The following SDK1 variants were observed in gnomAD, a reference collection of about 807,000 sequenced individuals.
SDK1 encodes protein sidekick-1.
In SDK1, 157 loss-of-function variants were observed where a neutral mutation model predicts 245.5. That is an observed-to-expected ratio of 0.64 (90% CI 0.56 to 0.73). The LOEUF is 0.73. SDK1 is among the 30% of genes least tolerant of loss of function. The pLI is 0.00. For missense variants in SDK1, 3,583 were observed against 3,002.3 expected, an observed-to-expected ratio of 1.19 and a Z score of -4.52; for synonymous variants, 1,647 against 1,278.5, an observed-to-expected ratio of 1.29 and a Z score of -6.15.
chr7:3,404,533 C>G (rs527542945), intron 1 of SDK1, among the ~76,000 whole-genome samples: 30 of 152,284 alleles, frequency 2.0e-4, no homozygotes, highest in African/African-American at 7.2e-4. Flanking sequence ...TGCCCTTAGG[C>G]TTGACATTAT....
At chr7:3,403,467 A>T (rs1562465738) in intron 1 of SDK1, among the ~76,000 whole-genome samples, 1 of 151,974 alleles carries the variant, frequency 6.6e-6, no homozygotes, top group Non-Finnish European at 1.5e-5. Flanking sequence ...TGTGATGCTG[A>T]CTCATAAATA....
intron 19 of SDK1, among the ~76,000 whole-genome samples, chr7:4,055,532 TTTG>T (rs367994049): frequency 3.5e-4 from 47 of 134,038 alleles, no homozygotes; most frequent in East Asian, 7.8e-4. Flanking sequence ...TTGGTTTGTT[TTTG>T]TTGTTGTTGT....
At chr7:3,804,845 C>T (rs1484145315) in intron 4 of SDK1, among the ~76,000 whole-genome samples, 1 of 152,038 alleles carries the variant, frequency 6.6e-6, no homozygotes, top group Admixed American at 6.5e-5. Context: ...TTGGCTTTCA[C>T]GTGTTCATTG....
chr7:3,320,189 C>G (rs1037749923), intron 1 of SDK1, among the ~76,000 whole-genome samples: 1 of 152,104 alleles, frequency 6.6e-6, no homozygotes, highest in Non-Finnish European at 1.5e-5. Context: ...TCCCACCGCA[C>G]ACATGCGCTG....
chr7:3,946,842 G>A (rs993688621), intron 5 of SDK1, among the ~76,000 whole-genome samples: 4 of 152,180 alleles, frequency 2.6e-5, no homozygotes, highest in Non-Finnish European at 5.9e-5. Flanking sequence ...TGGGTAGATT[G>A]CCTTCATGTG....
intron 1 of SDK1, among the ~76,000 whole-genome samples, chr7:3,532,932 G>T (rs1783398212): frequency 6.6e-6 from 1 of 152,008 alleles, no homozygotes. Flanking sequence ...ACCATGCATC[G>T]GCACTCAGAA....
intron 1 of SDK1, among the ~76,000 whole-genome samples, chr7:3,391,617 C>T (rs558338627): frequency 1.3e-5 from 2 of 149,420 alleles, no homozygotes; most frequent in Admixed American, 6.7e-5. Flanking sequence ...AAAGTATATA[C>T]ATGTATCCTG....
chr7:4,021,368 G>C (rs1259223019), intron 17 of SDK1, among the ~76,000 whole-genome samples: 1 of 152,154 alleles, frequency 6.6e-6, no homozygotes, highest in Non-Finnish European at 1.5e-5. Context: ...CCACGTGGCG[G>C]GGACACCTCA....
intron 1 of SDK1, among the ~76,000 whole-genome samples, chr7:3,608,354 A>C (rs75817371): frequency 0.031 from 4,760 of 152,264 alleles, 225 homozygotes; most frequent in African/African-American, 0.1. Flanking sequence ...GCTTTTTTGC[A>C]TGGCACCCCA....
chr7:3,932,577 T>C (rs572494108), intron 5 of SDK1, among the ~76,000 whole-genome samples: 3 of 152,330 alleles, frequency 2.0e-5, no homozygotes, highest in Non-Finnish European at 4.4e-5. Flanking sequence ...TTTTCTTCTC[T>C]GAAGACTTCC....
intron 43 of SDK1, among the ~76,000 whole-genome samples, chr7:4,242,461 G>C (rs573584222): frequency 2.0e-5 from 3 of 152,228 alleles, no homozygotes; most frequent in African/African-American, 4.8e-5. Flanking sequence ...CAGGAAGCAG[G>C]GTTTCCCAAA....
chr7:4,010,864 C>T (rs1228176712), intron 14 of SDK1, 102 bp from the exon 15 acceptor site: 3 of 1,231,700 alleles, frequency 2.4e-6, no homozygotes, highest in East Asian at 2.4e-5. Flanking sequence ...AGCTGTCCTG[C>T]TAAGCAAATG....
intron 1 of SDK1, among the ~76,000 whole-genome samples, chr7:3,391,966 A>AATATATATATATATATATAT (rs55768106): frequency 8.7e-4 from 125 of 143,990 alleles, no homozygotes; most frequent in African/African-American, 3.2e-3. Flanking sequence ...TATATCATGT[A>AATATATATATATATATATAT]ATATATATAT....
At chr7:3,604,453 G>A (rs1781353290) in intron 1 of SDK1, among the ~76,000 whole-genome samples, 1 of 151,914 alleles carries the variant, frequency 6.6e-6, no homozygotes, top group Non-Finnish European at 1.5e-5. Flanking sequence ...TCTAATGTAA[G>A]CATTTTAGTG....
chr7:3,667,361 A>G (rs905205002), intron 4 of SDK1, among the ~76,000 whole-genome samples: 9 of 152,314 alleles, frequency 5.9e-5, no homozygotes, highest in Admixed American at 3.9e-4. Flanking sequence ...CATTTTGGCA[A>G]TAAGTCAATG....
At chr7:3,645,718 G>A (rs747103777) in intron 4 of SDK1, among the ~76,000 whole-genome samples, 9 of 152,122 alleles carry the variant, frequency 5.9e-5, no homozygotes, top group Middle Eastern at 6.8e-3. Context: ...TGCATTCCTC[G>A]CACCCACGGG....
At chr7:3,454,911 A>G (rs1376183240) in intron 1 of SDK1, among the ~76,000 whole-genome samples, 1 of 151,956 alleles carries the variant, frequency 6.6e-6, no homozygotes, top group Non-Finnish European at 1.5e-5. Context: ...CTGCCAAACT[A>G]TTTTCCAGAG....
chr7:3,953,417 A>C (rs918611666), intron 7 of SDK1, among the ~76,000 whole-genome samples: 1 of 152,206 alleles, frequency 6.6e-6, no homozygotes, highest in East Asian at 1.9e-4. Flanking sequence ...TCTACATGAG[A>C]GGCCTGAGCT....
At chr7:3,592,495 G>A (rs573170100) in intron 1 of SDK1, among the ~76,000 whole-genome samples, 43 of 152,170 alleles carry the variant, frequency 2.8e-4, no homozygotes, top group African/African-American at 9.2e-4. Flanking sequence ...CTACCTCCTC[G>A]TCATTCTTGC....
Sources: allele counts gnomAD v4.1 joint callset (sites outside exome capture counted in the v4.1 genomes callset), GRCh38; gene constraint gnomAD v4.1.1; transcripts MANE v1.5; gene names NCBI Gene and HGNC (gene_info 2026-07-23, HGNC 2026-07-21).